The following PGCKA1 variants were observed in gnomAD, a reference collection of about 807,000 sequenced individuals.
PGCKA1 encodes PDCD10 and GCKIII kinases-associated protein 1.
chr4:37,499,730 T>C, the PGCKA1 span, among the ~76,000 whole-genome samples: 10 of 151,976 alleles, frequency 6.6e-5, no homozygotes, highest in African/African-American at 1.9e-4. Flanking sequence ...TGTATTTTAT[T>C]ATTTTTTTCA....
At chr4:37,568,146 G>A in the PGCKA1 span, among the ~76,000 whole-genome samples, 18 of 152,138 alleles carry the variant, frequency 1.2e-4, no homozygotes, top group African/African-American at 3.1e-4. Context: ...GCACAGGGCC[G>A]GCAAGGCCAG....
chr4:37,580,007 A>G, the PGCKA1 span, among the ~76,000 whole-genome samples: 2 of 152,056 alleles, frequency 1.3e-5, no homozygotes, highest in African/African-American at 2.4e-5. Flanking sequence ...TTTAAATAGC[A>G]TGTCTTCAAG....
At chr4:37,485,496 C>A in the PGCKA1 span, among the ~76,000 whole-genome samples, 14 of 152,232 alleles carry the variant, frequency 9.2e-5, no homozygotes, top group South Asian at 1.2e-3. Flanking sequence ...CAAGAAGGCC[C>A]TCATCAGATG....
chr4:37,562,398 T>G, the PGCKA1 span, among the ~76,000 whole-genome samples: 1 of 152,226 alleles, frequency 6.6e-6, no homozygotes, highest in African/African-American at 2.4e-5. Flanking sequence ...GAGATACCTC[T>G]GAAAAGTTTT....
the PGCKA1 span, among the ~76,000 whole-genome samples, chr4:37,454,703 A>T: frequency 6.6e-6 from 1 of 152,242 alleles, no homozygotes; most frequent in South Asian, 2.1e-4. Flanking sequence ...CAGCTTGGTT[A>T]CTTAGGTTGC....
the PGCKA1 span, chr4:37,588,123 G>C: frequency 6.6e-6 from 1 of 152,286 alleles, no homozygotes; most frequent in Non-Finnish European, 1.5e-5. Context: ...CAAAGGAAAT[G>C]ATGGGGAAAA....
the PGCKA1 span, among the ~76,000 whole-genome samples, chr4:37,552,892 G>A: frequency 1.3e-5 from 2 of 152,166 alleles, no homozygotes; most frequent in Non-Finnish European, 2.9e-5. Flanking sequence ...TGGCCATATA[G>A]GCCATATCCA....
At chr4:37,589,561 A>T in the PGCKA1 span, among the ~76,000 whole-genome samples, 3 of 152,094 alleles carry the variant, frequency 2.0e-5, no homozygotes. Context: ...TCTATGAACC[A>T]CTTTGTATTT....
chr4:37,470,841 A>G, the PGCKA1 span, among the ~76,000 whole-genome samples: 63,572 of 151,950 alleles, frequency 0.42, 14,123 homozygotes, highest in Non-Finnish European at 0.49. Context: ...TTTGAGATGT[A>G]GAAAAGATCT....
chr4:37,570,429 CAAAAAA>C, the PGCKA1 span, among the ~76,000 whole-genome samples: 2 of 117,574 alleles, frequency 1.7e-5, no homozygotes, highest in African/African-American at 3.2e-5. Flanking sequence ...ATGTTTCTGC[CAAAAAA>C]AAAAAAAAAA....
chr4:37,551,410 T>C, the PGCKA1 span, among the ~76,000 whole-genome samples: 344 of 152,258 alleles, frequency 2.3e-3, 7 homozygotes, highest in East Asian at 0.053. Flanking sequence ...GGACCCCCAA[T>C]TACATGCTCA....
At chr4:37,590,734 C>T in the PGCKA1 span, 2 of 1,614,130 alleles carry the variant, frequency 1.2e-6, no homozygotes, top group Non-Finnish European at 1.7e-6. Flanking sequence ...AGTGGGGGAG[C>T]ATGGTTTGAA....
At chr4:37,458,101 A>G in the PGCKA1 span, among the ~76,000 whole-genome samples, 4 of 152,208 alleles carry the variant, frequency 2.6e-5, no homozygotes, top group Non-Finnish European at 5.9e-5. Context: ...CTTAAAAGTT[A>G]CTTGGTCTAA....
At chr4:37,494,769 G>A in the PGCKA1 span, among the ~76,000 whole-genome samples, 5 of 152,100 alleles carry the variant, frequency 3.3e-5, no homozygotes, top group Admixed American at 6.5e-5. Flanking sequence ...GCTTTTCTCC[G>A]CAACCTCACC....
the PGCKA1 span, among the ~76,000 whole-genome samples, chr4:37,586,098 A>G: frequency 8.5e-4 from 129 of 151,850 alleles, 1 homozygote; most frequent in East Asian, 0.023. Context: ...CCCCTGGTCT[A>G]TGTTTATTAT....
the PGCKA1 span, among the ~76,000 whole-genome samples, chr4:37,524,701 A>G: frequency 6.6e-6 from 1 of 152,200 alleles, no homozygotes; most frequent in Non-Finnish European, 1.5e-5. Context: ...TTATTAGGTG[A>G]TAATTTCTTA....
chr4:37,539,406 C>G, the PGCKA1 span, among the ~76,000 whole-genome samples: 1 of 152,176 alleles, frequency 6.6e-6, no homozygotes, highest in Non-Finnish European at 1.5e-5. Context: ...CCTGTAATCC[C>G]AGCACTTTGG....
chr4:37,531,715 AC>A, the PGCKA1 span, among the ~76,000 whole-genome samples: 1 of 151,180 alleles, frequency 6.6e-6, no homozygotes, highest in East Asian at 1.9e-4. Flanking sequence ...ACATGGTGAA[AC>A]CCCATCTCTA....
At chr4:37,461,260 C>A in the PGCKA1 span, among the ~76,000 whole-genome samples, 1 of 151,902 alleles carries the variant, frequency 6.6e-6, no homozygotes, top group East Asian at 1.9e-4. Context: ...GATGCCTCCA[C>A]CTTTGTTCTT....
Sources: gnomAD v4.1 joint callset for allele counts (sites outside exome capture counted in the v4.1 genomes callset) on GRCh38, gnomAD v4.1.1 for gene constraint, MANE v1.5 for transcripts, NCBI Gene and HGNC (gene_info 2026-07-23, HGNC 2026-07-21) for gene names.